Variants in ZNF124 observed in about 807,000 individuals in gnomAD.
The protein encoded by ZNF124 is zinc finger protein 124, also known as zinc finger protein HZF-16.
ZNF124 carries 25 observed loss-of-function variants against 26.6 expected under a neutral mutation model. That is an observed-to-expected ratio of 0.94 (90% CI 0.68 to 1.31). The LOEUF (loss-of-function observed/expected upper bound fraction) is 1.31. Among genes scored for constraint, ZNF124 ranks in the 40% most tolerant of loss-of-function variants. The probability of loss-of-function intolerance (pLI) is 0.00; values close to 1 mark genes in which losing one functional copy is unlikely to be tolerated. For missense variants in ZNF124, 444 were observed against 422.2 expected (o/e 1.05, Z -0.45); for synonymous variants, 129 against 133.3 (o/e 0.97, Z 0.22).
chr1:247,151,327 A>G (rs1431287326), downstream of ZNF124, among the ~76,000 whole-genome samples: 1 of 152,054 alleles, frequency 6.6e-6, no homozygotes, highest in Admixed American at 6.5e-5. Flanking sequence ...AAAATACAAA[A>G]AATTAGCCGG....
At chr1:247,161,605 TAA>T (rs1444456423) in intron 1 of ZNF124, among the ~76,000 whole-genome samples, 1 of 150,696 alleles carries the variant, frequency 6.6e-6, no homozygotes, top group Non-Finnish European at 1.5e-5. Context: ...ACATGCAATA[TAA>T]AAGAAATTAG....
At chr1:247,125,525 C>G (rs115454858) in intron 3 of ZNF124, among the ~76,000 whole-genome samples, 5,959 of 145,070 alleles carry the variant, frequency 0.041, 129 homozygotes, top group Middle Eastern at 0.058. Context: ...TCTGCCTTCC[C>G]GTTTCAAGGG....
intron 1 of ZNF124, among the ~76,000 whole-genome samples, chr1:247,163,410 A>C (rs1673603010): frequency 6.6e-6 from 1 of 151,876 alleles, no homozygotes; most frequent in Non-Finnish European, 1.5e-5. Context: ...AAAGGAGAGA[A>C]GATCCATATA....
chr1:247,152,468 TATTC>T (rs2103114275), downstream of ZNF124, among the ~76,000 whole-genome samples: 1 of 152,150 alleles, frequency 6.6e-6, no homozygotes, highest in African/African-American at 2.4e-5. Context: ...TCCATTATAA[TATTC>T]AACAAAATAG....
At chr1:247,146,209 G>C (rs1380420683) in intron 3 of ZNF124, among the ~76,000 whole-genome samples, 1 of 152,220 alleles carries the variant, frequency 6.6e-6, no homozygotes, top group African/African-American at 2.4e-5. Context: ...GGAATACTTA[G>C]TGAAGTGGGG....
chr1:247,141,851 G>GT (rs1672636376), intron 3 of ZNF124, among the ~76,000 whole-genome samples: 1 of 152,304 alleles, frequency 6.6e-6, no homozygotes, highest in South Asian at 2.1e-4. Flanking sequence ...GACCTCTATG[G>GT]TAAGTCTGAG....
chr1:247,132,237 GT>G lies in ZNF124; in HGVS notation c.219-8367del, dbSNP rs539379965. 9.0e-5 allele frequency among the ~76,000 whole-genome samples: 13 copies of G among 144,934 alleles called. 1 individual carries two copies. The highest frequency in any genetic ancestry group is 2.7e-4 in the African/African-American group (10 of 37,004). ...AACAAGCAAGCAGAAACTGACAACA[GT>G]GTCAACAACAACAACAAAAAAGGCC... On this transcript the variant is annotated intron_variant, in intron 3 of 3. Transcript: ENST00000472531.
chr1:247,157,749 A>G (rs1673234532), intron 3 of ZNF124, among the ~76,000 whole-genome samples: 1 of 152,178 alleles, frequency 6.6e-6, no homozygotes, highest in Non-Finnish European at 1.5e-5. Context: ...CAATACAGTA[A>G]TATTCTCATA....
chr1:247,147,228 CTTTTT>C (rs549013458), intron 3 of ZNF124, among the ~76,000 whole-genome samples: 1 of 127,356 alleles, frequency 7.9e-6, no homozygotes, highest in African/African-American at 3.0e-5. Context: ...ATTGGCTTAA[CTTTTT>C]TTTTTTTTTT....
chr1:247,124,228 G>T (rs574743485), intron 3 of ZNF124, among the ~76,000 whole-genome samples: 21 of 149,614 alleles, frequency 1.4e-4, no homozygotes, highest in Admixed American at 2.7e-4. Flanking sequence ...TTTTGAGACA[G>T]AGTCTCGCTC....
At chr1:247,124,824 G>T (rs1055206330) in intron 3 of ZNF124, among the ~76,000 whole-genome samples, 1 of 152,090 alleles carries the variant, frequency 6.6e-6, no homozygotes, top group Non-Finnish European at 1.5e-5. Context: ...TAGAGACAGG[G>T]TCTCGCTCTG....
intron 1 of ZNF124, among the ~76,000 whole-genome samples, chr1:247,167,696 C>CA (rs1315492498): frequency 1.3e-5 from 2 of 152,074 alleles, no homozygotes; most frequent in Non-Finnish European, 2.9e-5. Context: ...AGCAAATGCA[C>CA]AAAAACAAAA....
In ZNF124 at chr1:247,155,077, C is replaced by T. The variant is rs1572079181; in HGVS notation, c.*1489G>A. On this transcript the variant is annotated 3_prime_UTR_variant, in exon 4 of 4. Transcript: ENST00000543802. ...TGGATGCTTTCTTTCTCAGATTAGA[C>T]ACAAGACACTGTTCGATCACAGGTC... Among the ~76,000 whole-genome samples, 2 of 152,292 alleles carry T rather than the reference C, an allele frequency of 1.3e-5. No homozygotes were observed. The highest frequency in any genetic ancestry group is 1.5e-5 in the Non-Finnish European group (1 of 68,018).
At chr1:247,143,605 A>G (rs1414317314) in intron 3 of ZNF124, among the ~76,000 whole-genome samples, 1 of 152,200 alleles carries the variant, frequency 6.6e-6, no homozygotes, top group Admixed American at 6.5e-5. Flanking sequence ...TAGAAGTACA[A>G]TGTTCTAATT....
chr1:247,159,307 C>T (rs114946919), intron 2 of ZNF124, among the ~76,000 whole-genome samples: 1 of 152,098 alleles, frequency 6.6e-6, no homozygotes, highest in South Asian at 2.1e-4. Flanking sequence ...TGCCAGAGGG[C>T]AGGTTGTTAT....
chr1:247,137,610 G>T (rs975813154), intron 3 of ZNF124, among the ~76,000 whole-genome samples: 2 of 151,762 alleles, frequency 1.3e-5, no homozygotes, highest in African/African-American at 2.4e-5. Flanking sequence ...CTGACAAATT[G>T]GATCTAATTA....
intron 3 of ZNF124, among the ~76,000 whole-genome samples, chr1:247,124,138 A>G (rs534161741): frequency 3.3e-4 from 50 of 149,320 alleles, no homozygotes; most frequent in African/African-American, 5.9e-4. Flanking sequence ...TACGTGAGCC[A>G]TTTTTTGTTA....
At chr1:247,161,529 CA>C (rs1315477328) in intron 1 of ZNF124, among the ~76,000 whole-genome samples, 2 of 150,982 alleles carry the variant, frequency 1.3e-5, no homozygotes, top group Non-Finnish European at 3.0e-5. Flanking sequence ...TAGAGACTGA[CA>C]AATTCAAATA....
chr1:247,163,935 A>G (rs116620266), intron 1 of ZNF124, among the ~76,000 whole-genome samples: 58 of 152,308 alleles, frequency 3.8e-4, no homozygotes, highest in African/African-American at 1.4e-3. Context: ...CCAAAAACCT[A>G]TTCCACCACC....
Sources: allele counts gnomAD v4.1 joint callset (sites outside exome capture counted in the v4.1 genomes callset), GRCh38; gene constraint gnomAD v4.1.1; transcripts MANE v1.5; gene names NCBI Gene and HGNC (gene_info 2026-07-23, HGNC 2026-07-21).